Variants in MALRD1 observed in about 807,000 individuals in gnomAD.
MALRD1 encodes MAM and LDL receptor class A domain containing 1.
A neutral mutation model predicts 242.1 loss-of-function variants in MALRD1; 247 were observed. That is an observed-to-expected ratio of 1.02 (90% CI 0.92 to 1.13). MALRD1 has a LOEUF of 1.13. Among genes scored for constraint, MALRD1 ranks in the 50% most tolerant of loss-of-function variants. The pLI, the probability that MALRD1 is intolerant of heterozygous loss-of-function variation, is 0.00. For missense variants in MALRD1, 2,989 were observed against 2,533.1 expected (o/e 1.18, Z -3.86); for synonymous variants, 995 against 866.6 (o/e 1.15, Z -2.60).
intron 32 of MALRD1, among the ~76,000 whole-genome samples, chr10:19,544,362 A>G (rs1373019734): frequency 6.6e-6 from 1 of 151,690 alleles, no homozygotes; most frequent in Non-Finnish European, 1.5e-5. Flanking sequence ...TAATTTTTGT[A>G]TTTTTAGTAG....
intron 14 of MALRD1, among the ~76,000 whole-genome samples, chr10:19,190,003 T>A (rs1045944576): frequency 6.6e-6 from 1 of 151,840 alleles, no homozygotes; most frequent in Non-Finnish European, 1.5e-5. Context: ...ATAATAGGAA[T>A]AAAGAAAATG....
Position 19,257,048 on chromosome 10 carries a change from G to A in MALRD1, c.2992-636G>A, listed in dbSNP as rs537840249. ...AATCTACCATATACTACAGTGGTTC[G>A]TCTATATGTGGTATTTCATATTTTA... On this transcript the variant is annotated intron_variant, in intron 18 of 39. Transcript: ENST00000454679. Among the ~76,000 whole-genome samples the A allele has an allele frequency of 6.0e-4, 91 of 152,062 alleles. No homozygotes were observed. In the Middle Eastern group the frequency reaches 0.024, roughly 40 times the overall value.
At chr10:19,612,746 G>GGA (rs144189668) in intron 35 of MALRD1, among the ~76,000 whole-genome samples, 3 of 151,904 alleles carry the variant, frequency 2.0e-5, no homozygotes, top group South Asian at 2.1e-4. Flanking sequence ...TTGGCCGGCA[G>GGA]GAGAGAGAGA....
intron 21 of MALRD1, among the ~76,000 whole-genome samples, chr10:19,302,786 T>C (rs995905145): frequency 1.3e-5 from 2 of 151,750 alleles, no homozygotes. Context: ...GGCTAATTTT[T>C]TGAAAAATAA....
At chr10:19,062,995 A>T (rs955913799) in intron 1 of MALRD1, among the ~76,000 whole-genome samples, 1 of 152,100 alleles carries the variant, frequency 6.6e-6, no homozygotes, top group Non-Finnish European at 1.5e-5. Context: ...AATGCAAAAA[A>T]TTAGCCAGGT....
At chr10:19,440,458 T>A (rs1388816559) in intron 28 of MALRD1, among the ~76,000 whole-genome samples, 1 of 152,132 alleles carries the variant, frequency 6.6e-6, no homozygotes, top group Admixed American at 6.5e-5. Context: ...ACTCATCATT[T>A]ACATTAGGTA....
chr10:19,171,429 CATATATATAT>C (rs71387049), intron 13 of MALRD1, among the ~76,000 whole-genome samples: 3 of 61,424 alleles, frequency 4.9e-5, no homozygotes, highest in South Asian at 1.1e-3. Flanking sequence ...ATTTTATATA[CATATATATAT>C]ATATATATAT....
chr10:19,195,375 G>A (rs1458070412), intron 14 of MALRD1, among the ~76,000 whole-genome samples: 1 of 152,030 alleles, frequency 6.6e-6, no homozygotes, highest in Non-Finnish European at 1.5e-5. Context: ...CTGACGTCTA[G>A]ACCTTAGATC....
At chr10:19,388,533 A>G (rs1040378193) in intron 27 of MALRD1, among the ~76,000 whole-genome samples, 1 of 152,172 alleles carries the variant, frequency 6.6e-6, no homozygotes, top group African/African-American at 2.4e-5. Context: ...CTCATCTGTC[A>G]TTTTGAGATG....
intron 38 of MALRD1, among the ~76,000 whole-genome samples, chr10:19,702,358 C>A (rs576383533): frequency 6.6e-6 from 1 of 152,300 alleles, no homozygotes; most frequent in East Asian, 1.9e-4. Flanking sequence ...CCTGGCAGAG[C>A]TATTCAACCG....
intron 34 of MALRD1, among the ~76,000 whole-genome samples, chr10:19,603,775 A>G (rs948836126): frequency 3.3e-5 from 5 of 152,132 alleles, no homozygotes; most frequent in East Asian, 1.9e-4. Flanking sequence ...CTTCATGACT[A>G]TCATGTCTGT....
intron 21 of MALRD1, among the ~76,000 whole-genome samples, chr10:19,290,002 C>T (rs1228308117): frequency 1.3e-5 from 2 of 152,082 alleles, no homozygotes; most frequent in Non-Finnish European, 2.9e-5. Flanking sequence ...TCAAAATATT[C>T]TCTCGCTTTA....
intron 28 of MALRD1, among the ~76,000 whole-genome samples, chr10:19,423,937 G>T (rs1249387315): frequency 6.6e-6 from 1 of 152,070 alleles, no homozygotes; most frequent in Non-Finnish European, 1.5e-5. Context: ...ATTTCATATG[G>T]ATCATTTATG....
At chr10:19,419,613 C>T (rs887575839) in intron 28 of MALRD1, among the ~76,000 whole-genome samples, 1 of 152,162 alleles carries the variant, frequency 6.6e-6, no homozygotes, top group African/African-American at 2.4e-5. Context: ...AGCCACCATG[C>T]CCGGCTGATT....
chr10:19,161,550 C>CAAAAAAAAAAAAAA, intron 12 of MALRD1, among the ~76,000 whole-genome samples: 8 of 60,836 alleles, frequency 1.3e-4, no homozygotes, highest in Non-Finnish European at 1.5e-4. Context: ...AAAAAAAAAG[C>CAAAAAAAAAAAAAA]AAAAAAAAAA....
chr10:19,287,031 A>C (rs1236463711), intron 21 of MALRD1, among the ~76,000 whole-genome samples: 1 of 152,082 alleles, frequency 6.6e-6, no homozygotes, highest in African/African-American at 2.4e-5. Context: ...CAAATCAATA[A>C]ATGTAATACA....
chr10:19,282,876 A>G (rs1840885586), intron 20 of MALRD1, 143 bp from the exon 21 acceptor site: 1 of 562,386 alleles, frequency 1.8e-6, no homozygotes, highest in Non-Finnish European at 2.7e-6. Flanking sequence ...CAGTGATTTT[A>G]CAAACCATTT....
At chr10:19,060,897 A>G (rs182409948) in intron 1 of MALRD1, among the ~76,000 whole-genome samples, 237 of 152,338 alleles carry the variant, frequency 1.6e-3, no homozygotes, top group Middle Eastern at 0.014. Flanking sequence ...ATGCCCATCA[A>G]TGACAGACTG....
At chr10:19,470,310 C>T (rs534959528) in intron 29 of MALRD1, among the ~76,000 whole-genome samples, 24 of 151,990 alleles carry the variant, frequency 1.6e-4, no homozygotes, top group African/African-American at 4.3e-4. Flanking sequence ...TATTCCATTG[C>T]GTGTGTATAC....
Sources: allele counts gnomAD v4.1 joint callset (sites outside exome capture counted in the v4.1 genomes callset), GRCh38; gene constraint gnomAD v4.1.1; transcripts MANE v1.5; gene names NCBI Gene and HGNC (gene_info 2026-07-23, HGNC 2026-07-21).